The following RBFOX1 variants were observed in gnomAD, a reference collection of about 807,000 sequenced individuals.
The protein encoded by RBFOX1 is RNA binding protein fox-1 homolog 1.
Under a neutral mutation model 57.7 loss-of-function variants are expected in RBFOX1, and 8 were observed. The observed-to-expected ratio is 0.14, with a 90% CI of 0.08 to 0.25. RBFOX1 has a LOEUF of 0.25. Among genes scored for constraint, RBFOX1 ranks in the 10% least tolerant of loss-of-function variants. The pLI is 1.00. For missense variants in RBFOX1, 611 were observed against 548.5 expected (o/e 1.11, Z -1.14); for synonymous variants, 326 against 222.4 (o/e 1.47, Z -4.15).
intron 4 of RBFOX1, among the ~76,000 whole-genome samples, chr16:7,460,573 A>T (rs2059401627): frequency 1.3e-5 from 2 of 149,398 alleles, no homozygotes; most frequent in African/African-American, 5.0e-5. Context: ...CAGAGGGTGG[A>T]AGGTAGGAGG....
intron 2 of RBFOX1, among the ~76,000 whole-genome samples, chr16:6,531,023 A>G (rs1271398525): frequency 1.3e-5 from 2 of 152,000 alleles, no homozygotes; most frequent in East Asian, 3.9e-4. Context: ...ATTGTCCCCC[A>G]CCTTGCAGGT....
At chr16:5,913,811 G>C (rs184446788) in intron 4 of RBFOX1, among the ~76,000 whole-genome samples, 2 of 152,356 alleles carry the variant, frequency 1.3e-5, no homozygotes, top group East Asian at 1.9e-4. Flanking sequence ...AAAAGGTAAA[G>C]ATAACAGCTA....
intron 1 of RBFOX1, among the ~76,000 whole-genome samples, chr16:6,034,822 C>T (rs542224555): frequency 6.6e-6 from 1 of 152,062 alleles, no homozygotes; most frequent in Non-Finnish European, 1.5e-5. Context: ...TGCTCTCATC[C>T]TGTTTCAGGA....
chr16:6,517,719 T>C (rs2096408917), intron 2 of RBFOX1, among the ~76,000 whole-genome samples: 1 of 152,200 alleles, frequency 6.6e-6, no homozygotes, highest in African/African-American at 2.4e-5. Flanking sequence ...TCTTGCACGA[T>C]GGTTTCAAAA....
chr16:7,008,531 CTT>C (rs916010202), intron 3 of RBFOX1, among the ~76,000 whole-genome samples: 9 of 151,840 alleles, frequency 5.9e-5, no homozygotes, highest in African/African-American at 2.2e-4. Flanking sequence ...CAGGGCAAGA[CTT>C]TGTCTCAAAA....
chr16:6,937,409 T>C (rs563441403), intron 3 of RBFOX1, among the ~76,000 whole-genome samples: 1 of 152,192 alleles, frequency 6.6e-6, no homozygotes, highest in Admixed American at 6.5e-5. Flanking sequence ...GACTTTTTTT[T>C]TATAGTTTTC....
intron 3 of RBFOX1, among the ~76,000 whole-genome samples, chr16:5,705,965 C>T (rs1443929750): frequency 6.6e-6 from 1 of 152,126 alleles, no homozygotes; most frequent in East Asian, 1.9e-4. Flanking sequence ...CGATGGAGTG[C>T]AGTGGTGTGC....
At chr16:7,325,374 A>T (rs1025230629) in intron 4 of RBFOX1, among the ~76,000 whole-genome samples, 1 of 152,208 alleles carries the variant, frequency 6.6e-6, no homozygotes, top group Non-Finnish European at 1.5e-5. Context: ...AATGTGGTCT[A>T]TGTGGTTTAA....
At chr16:7,206,594 G>T (rs1353519988) in intron 4 of RBFOX1, among the ~76,000 whole-genome samples, 2 of 151,920 alleles carry the variant, frequency 1.3e-5, no homozygotes, top group African/African-American at 4.8e-5. Context: ...TGATTTTATT[G>T]CCAGTCATAT....
chr16:6,072,348 C>G (rs1289621982), intron 1 of RBFOX1, among the ~76,000 whole-genome samples: 1 of 152,190 alleles, frequency 6.6e-6, no homozygotes, highest in Non-Finnish European at 1.5e-5. Context: ...CACTGTTCAT[C>G]TGTCATTGGA....
chr16:7,592,704 A>G (rs9922454), intron 7 of RBFOX1, among the ~76,000 whole-genome samples: 31,902 of 152,180 alleles, frequency 0.21, 3,785 homozygotes, highest in African/African-American at 0.32. Context: ...GTTGCCAAGA[A>G]GCCTGGGACA....
In RBFOX1 at chr16:7,610,381, AT is replaced by A. The variant is rs770681937; in HGVS notation, c.676+3054del. On this transcript the variant is annotated intron_variant, in intron 10 of 15. Transcript: ENST00000550418. Reference sequence around the variant, plus strand: ...AGTGATGCGCCCAGCCTGTTTATTTATTTTTTTTTTTAATATTAAAGGTCAT... The same window carrying A: ...AGTGATGCGCCCAGCCTGTTTATTTATTTTTTTTTTAATATTAAAGGTCAT... Among the ~76,000 whole-genome samples the A allele has an allele frequency of 8.0e-3, 1,139 of 143,200 alleles. 14 individuals are homozygous for A. Among genetic ancestry groups the A allele is most frequent in the African/African-American group, 0.024 (954 of 39,070 alleles). The allele number at this position is 143,200 out of a possible 152,430, so 93.9% of individuals were successfully genotyped here. A position where few individuals can be genotyped will look rare whatever the true frequency, so the allele number is the denominator to read the frequency against.
intron 1 of RBFOX1, among the ~76,000 whole-genome samples, chr16:5,428,122 CTGTGTGTGTG>C (rs3084227): frequency 7.1e-6 from 1 of 141,766 alleles, no homozygotes; most frequent in African/African-American, 2.7e-5. Flanking sequence ...GTGTGTGTGT[CTGTGTGTGTG>C]TGTGTGTGTG....
chr16:7,132,957 C>T (rs556634547), intron 4 of RBFOX1, among the ~76,000 whole-genome samples: 8 of 152,236 alleles, frequency 5.3e-5, no homozygotes, highest in African/African-American at 1.9e-4. Flanking sequence ...TCTGATGAAA[C>T]TGCAAACTAG....
chr16:7,599,985 G>A (rs77836466), intron 9 of RBFOX1, among the ~76,000 whole-genome samples: 2,801 of 152,156 alleles, frequency 0.018, 78 homozygotes, highest in African/African-American at 0.064. Context: ...GACCATGCCT[G>A]TGTGTATCAG....
chr16:6,616,953 G>T (rs151266140), intron 2 of RBFOX1, among the ~76,000 whole-genome samples: 2 of 152,182 alleles, frequency 1.3e-5, no homozygotes, highest in East Asian at 1.9e-4. Context: ...TTCCTGCCAC[G>T]ACAGCAGAGT....
intron 3 of RBFOX1, among the ~76,000 whole-genome samples, chr16:5,707,479 A>G (rs1042311174): frequency 6.6e-6 from 1 of 152,228 alleles, no homozygotes; most frequent in Non-Finnish European, 1.5e-5. Context: ...ACCACTAAAG[A>G]TGCCAGGTCC....
chr16:6,810,361 C>T (rs1396513452), intron 3 of RBFOX1, among the ~76,000 whole-genome samples: 1 of 152,036 alleles, frequency 6.6e-6, no homozygotes, highest in Non-Finnish European at 1.5e-5. Flanking sequence ...TTTTCCTCTC[C>T]TTGTCCAAGT....
chr16:7,612,678 T>A (rs988183324), intron 10 of RBFOX1, among the ~76,000 whole-genome samples: 1 of 152,244 alleles, frequency 6.6e-6, no homozygotes, highest in East Asian at 1.9e-4. Context: ...CCAATGAAAC[T>A]GTTGATTTAC....
Sources: allele counts gnomAD v4.1 joint callset (sites outside exome capture counted in the v4.1 genomes callset), GRCh38; gene constraint gnomAD v4.1.1; transcripts MANE v1.5; gene names NCBI Gene and HGNC (gene_info 2026-07-23, HGNC 2026-07-21).